Variants in EPHA5 observed in about 807,000 individuals in gnomAD.
EPHA5 encodes the protein EPH receptor A5.
In EPHA5, 60 loss-of-function variants were observed where a neutral mutation model predicts 105.0. That is an observed-to-expected ratio of 0.57 (90% CI 0.46 to 0.71). The LOEUF (loss-of-function observed/expected upper bound fraction) is 0.71. Among genes scored for constraint, EPHA5 ranks in the 30% least tolerant of loss-of-function variants. EPHA5 has a pLI of 0.00. For synonymous variants in EPHA5, 513 were observed against 449.1 expected (o/e 1.14, Z -1.80); for missense variants, 1,218 against 1,274.7 (o/e 0.96, Z 0.68).
chr4:65,576,943 A>AT lies in EPHA5; in HGVS notation c.910+24697dup, dbSNP rs367814334. Among the ~76,000 whole-genome samples, 1,029 of 152,218 alleles carry AT rather than the reference A, an allele frequency of 6.8e-3. 12 individuals carry two copies. Among genetic ancestry groups the AT allele is most frequent in the African/African-American group, 0.023 (974 of 41,546 alleles). ...TTCCATGTCTATCAGTTTGAGTGAC[A>AT]TTTTCTCTCCACATAGAGAAAGAGG... On this transcript the variant is annotated intron_variant, in intron 3 of 16. Coordinates refer to ENST00000613740, the MANE Select transcript of EPHA5 (RefSeq NM_001281766.3).
At chr4:65,661,342 A>C (rs1043081825) in intron 1 of EPHA5, among the ~76,000 whole-genome samples, 9 of 152,136 alleles carry the variant, frequency 5.9e-5, no homozygotes, top group Non-Finnish European at 1.2e-4. Context: ...ACAAGTTTAA[A>C]TCAAAAACAA....
chr4:65,503,874 T>C (rs77537469), intron 3 of EPHA5, among the ~76,000 whole-genome samples: 7,041 of 149,140 alleles, frequency 0.047, 278 homozygotes, highest in African/African-American at 0.1. Context: ...TAAAAAGTCA[T>C]TCAAGACAAT....
At chr4:65,365,302 C>A (rs985613528) in intron 10 of EPHA5, 100 bp from the exon 11 acceptor site, 33 of 663,192 alleles carry the variant, frequency 5.0e-5, no homozygotes, top group Middle Eastern at 7.6e-4. Context: ...GATGAAAAAA[C>A]AAACAAACAA....
chr4:65,610,461 G>C (rs1231564231), intron 2 of EPHA5, among the ~76,000 whole-genome samples: 1 of 151,932 alleles, frequency 6.6e-6, no homozygotes, highest in African/African-American at 2.4e-5. Context: ...CACCAAGGCT[G>C]TGTGACATGC....
At chr4:65,371,575 CT>C (rs1350577345) in intron 8 of EPHA5, among the ~76,000 whole-genome samples, 2 of 151,826 alleles carry the variant, frequency 1.3e-5, no homozygotes, top group African/African-American at 4.8e-5. Context: ...TAACTTAGTT[CT>C]TGAGTATAAA....
chr4:65,602,796 T>C (rs1743867432), intron 2 of EPHA5, among the ~76,000 whole-genome samples: 1 of 152,112 alleles, frequency 6.6e-6, no homozygotes, highest in African/African-American at 2.4e-5. Context: ...ATAAAAACAG[T>C]CATTTATTTA....
chr4:65,521,908 C>T (rs1172663302), intron 3 of EPHA5, among the ~76,000 whole-genome samples: 1 of 152,014 alleles, frequency 6.6e-6, no homozygotes, highest in East Asian at 1.9e-4. Context: ...ACTGTCTGTG[C>T]TTCTCAGATT....
chr4:65,542,331 C>T (rs1433814801), intron 3 of EPHA5, among the ~76,000 whole-genome samples: 2 of 150,686 alleles, frequency 1.3e-5, no homozygotes, highest in African/African-American at 4.9e-5. Context: ...ATAGATAATC[C>T]ACTAGCTAGA....
chr4:65,403,548 C>T (rs567446025), intron 8 of EPHA5, among the ~76,000 whole-genome samples: 3 of 151,854 alleles, frequency 2.0e-5, no homozygotes, highest in African/African-American at 7.3e-5. Context: ...ATACGTGAAA[C>T]TATGTTTATT....
chr4:65,648,016 G>A (rs1178236932), intron 1 of EPHA5, among the ~76,000 whole-genome samples: 1 of 152,102 alleles, frequency 6.6e-6, no homozygotes, highest in African/African-American at 2.4e-5. Flanking sequence ...TGCTTTAATT[G>A]TATTACTACA....
chr4:65,520,518 T>A (rs2149278738), intron 3 of EPHA5, among the ~76,000 whole-genome samples: 1 of 152,204 alleles, frequency 6.6e-6, no homozygotes, highest in South Asian at 2.1e-4. Flanking sequence ...AAAGCCAAAA[T>A]GGACGAATGG....
chr4:65,603,883 T>C (rs1743974583), intron 2 of EPHA5, among the ~76,000 whole-genome samples: 1 of 152,150 alleles, frequency 6.6e-6, no homozygotes, highest in Non-Finnish European at 1.5e-5. Context: ...TTACATTTTC[T>C]TTCCAATGTG....
intron 14 of EPHA5, among the ~76,000 whole-genome samples, chr4:65,341,572 A>G (rs1721726066): frequency 6.7e-6 from 1 of 149,694 alleles, no homozygotes; most frequent in Non-Finnish European, 1.5e-5. Flanking sequence ...TTTACATATT[A>G]TATATATTAT....
intron 8 of EPHA5, among the ~76,000 whole-genome samples, chr4:65,375,746 G>T (rs1005172559): frequency 2.7e-5 from 4 of 150,384 alleles, no homozygotes; most frequent in African/African-American, 4.9e-5. Context: ...ACAATTCAAT[G>T]ACCATTTTTA....
chr4:65,370,506 C>G (rs910536342), intron 8 of EPHA5, among the ~76,000 whole-genome samples: 3 of 152,088 alleles, frequency 2.0e-5, no homozygotes, highest in African/African-American at 7.2e-5. Context: ...TCACAATTTA[C>G]GTTAGAAAAC....
chr4:65,526,374 C>A (rs760014363), intron 3 of EPHA5, among the ~76,000 whole-genome samples: 4 of 151,644 alleles, frequency 2.6e-5, no homozygotes, highest in Non-Finnish European at 5.9e-5. Flanking sequence ...GCAAGAGGCA[C>A]AAAACATTGT....
chr4:65,660,747 C>T (rs1445380585), intron 1 of EPHA5, among the ~76,000 whole-genome samples: 2 of 152,064 alleles, frequency 1.3e-5, no homozygotes, highest in Non-Finnish European at 1.5e-5. Context: ...TACCCCACAG[C>T]AGGCATAATT....
intron 11 of EPHA5, among the ~76,000 whole-genome samples, chr4:65,354,891 A>G (rs1307450710): frequency 6.6e-6 from 1 of 151,856 alleles, no homozygotes; most frequent in Non-Finnish European, 1.5e-5. Context: ...AATACTCGAG[A>G]CAATATTTCT....
chr4:65,428,764 T>A (rs1724696160), intron 5 of EPHA5, among the ~76,000 whole-genome samples: 1 of 152,094 alleles, frequency 6.6e-6, no homozygotes, highest in South Asian at 2.1e-4. Context: ...TGCCAAGAAG[T>A]AATTTCTGGT....
Sources: allele counts gnomAD v4.1 joint callset (sites outside exome capture counted in the v4.1 genomes callset), GRCh38; gene constraint gnomAD v4.1.1; transcripts MANE v1.5; gene names NCBI Gene and HGNC (gene_info 2026-07-23, HGNC 2026-07-21).